Variants in SLC15A1 observed in about 807,000 individuals in gnomAD.
The protein encoded by SLC15A1 is Caco-2 oligopeptide transporter.
In SLC15A1, 83 loss-of-function variants were observed where a neutral mutation model predicts 92.9. The ratio of observed to expected loss-of-function variants is 0.89; its 90% CI spans 0.75 to 1.07. The LOEUF (loss-of-function observed/expected upper bound fraction) is 1.07. Ranked by LOEUF, SLC15A1 falls within the 50% of genes least tolerant of loss-of-function variation. The probability of loss-of-function intolerance (pLI) is 0.00; values close to 1 mark genes in which losing one functional copy is unlikely to be tolerated. For missense variants in SLC15A1, 857 were observed against 880.1 expected (o/e 0.97, Z 0.33); for synonymous variants, 322 against 318.2 (o/e 1.01, Z -0.13).
intron 18 of SLC15A1, among the ~76,000 whole-genome samples, chr13:98,693,087 GTTTTTTTTTTTTTTTTTT>G (rs55817470): frequency 1.7e-5 from 1 of 58,010 alleles, no homozygotes; most frequent in East Asian, 4.0e-4. Flanking sequence ...TATTGTCTAC[GTTTTTTTTTTTTTTTTTT>G]TTTTTTTTTG....
intron 1 of SLC15A1, among the ~76,000 whole-genome samples, chr13:98,733,147 C>G (rs778201591): frequency 5.9e-5 from 9 of 152,100 alleles, no homozygotes; most frequent in Non-Finnish European, 1.0e-4. Context: ...TCCCCGAGAG[C>G]CTTTCAAGGT....
In SLC15A1 at chr13:98,686,302, G is replaced by A; in HGVS notation, c.1828-5C>T. On this transcript the variant is annotated splice_region_variant and splice_polypyrimidine_tract_variant and intron_variant, in intron 21 of 22. Coordinates refer to ENST00000376503, the MANE Select transcript of SLC15A1 (RefSeq NM_005073.4). ...CGACTTCATGTTGGAAGGAGCCTGA[G>A]GAAGCAAAGCAAAGTGAGTCCTGCT... 2 of 1,601,704 alleles carry A rather than the reference G, an allele frequency of 1.2e-6. No homozygotes were observed. Among genetic ancestry groups the A allele is most frequent in the South Asian group, 2.2e-5 (2 of 88,974 alleles).
At chr13:98,698,646 A>AG (rs2088042539) in intron 18 of SLC15A1, among the ~76,000 whole-genome samples, 1 of 152,156 alleles carries the variant, frequency 6.6e-6, no homozygotes, top group African/African-American at 2.4e-5. Context: ...CATGTTGACC[A>AG]GGCTGGTCTT....
At chr13:98,689,851 C>G (rs1424761371) in intron 18 of SLC15A1, among the ~76,000 whole-genome samples, 14 of 152,106 alleles carry the variant, frequency 9.2e-5, no homozygotes. Context: ...GAATGGATAC[C>G]CAATAAGACC....
chr13:98,733,531 A>G (rs1743093572), intron 1 of SLC15A1, among the ~76,000 whole-genome samples: 1 of 152,208 alleles, frequency 6.6e-6, no homozygotes, highest in Non-Finnish European at 1.5e-5. Context: ...TCCTAAGCCA[A>G]GGGTAAAGGA....
intron 18 of SLC15A1, among the ~76,000 whole-genome samples, chr13:98,701,667 A>G (rs1488819767): frequency 8.7e-6 from 1 of 115,566 alleles, no homozygotes; most frequent in Non-Finnish European, 1.7e-5. Flanking sequence ...TACTCAGCTA[A>G]TTTTTTTTTT....
intron 1 of SLC15A1, among the ~76,000 whole-genome samples, chr13:98,739,869 G>A (rs540155642): frequency 6.6e-6 from 1 of 152,232 alleles, no homozygotes; most frequent in African/African-American, 2.4e-5. Context: ...AGACAACTTG[G>A]CAGATTCTTA....
chr13:98,700,552 A>G (rs1171542770), intron 18 of SLC15A1, among the ~76,000 whole-genome samples: 6 of 150,114 alleles, frequency 4.0e-5, no homozygotes, highest in Non-Finnish European at 8.9e-5. Context: ...GGTGAACTCT[A>G]TCAAGTTTTT....
intron 1 of SLC15A1, among the ~76,000 whole-genome samples, chr13:98,742,275 A>C (rs984081488): frequency 1.3e-5 from 2 of 152,198 alleles, no homozygotes; most frequent in African/African-American, 4.8e-5. Context: ...GCAATGAGCC[A>C]CCTCCTACCT....
At chr13:98,738,713 C>G (rs1265459900) in intron 1 of SLC15A1, among the ~76,000 whole-genome samples, 2 of 152,232 alleles carry the variant, frequency 1.3e-5, no homozygotes, top group Non-Finnish European at 2.9e-5. Context: ...CAGGCAGAAG[C>G]CTGCTGCAGG....
At chr13:98,737,157 T>G (rs1194801441) in intron 1 of SLC15A1, among the ~76,000 whole-genome samples, 1 of 152,234 alleles carries the variant, frequency 6.6e-6, no homozygotes, top group African/African-American at 2.4e-5. Flanking sequence ...GGAATACTAT[T>G]CAGCCATGAA....
intron 1 of SLC15A1, among the ~76,000 whole-genome samples, chr13:98,735,085 T>G (rs1232605143): frequency 6.6e-6 from 1 of 152,132 alleles, no homozygotes; most frequent in Non-Finnish European, 1.5e-5. Context: ...AAATCCTCAA[T>G]AAAATAAAAT....
chr13:98,695,812 TA>T (rs1260999224), intron 18 of SLC15A1, among the ~76,000 whole-genome samples: 2 of 152,194 alleles, frequency 1.3e-5, no homozygotes, highest in Non-Finnish European at 1.5e-5. Flanking sequence ...TTGCTTAAAA[TA>T]GTATATACTC....
chr13:98,741,987 A>C (rs1174846466), intron 1 of SLC15A1, among the ~76,000 whole-genome samples: 1 of 152,220 alleles, frequency 6.6e-6, no homozygotes, highest in African/African-American at 2.4e-5. Context: ...TGGGTTTATC[A>C]AGTGACTGGG....
At chr13:98,749,165 G>A (rs1404909596) in intron 1 of SLC15A1, among the ~76,000 whole-genome samples, 1 of 152,190 alleles carries the variant, frequency 6.6e-6, no homozygotes, top group Non-Finnish European at 1.5e-5. Context: ...TTGTTCTTCG[G>A]TTGACTCAAG....
Position 98,720,989 on chromosome 13 carries a change from T to C in SLC15A1, c.556+506A>G, listed in dbSNP as rs1291458131. On this transcript the variant is annotated intron_variant, in intron 7 of 22. Coordinates refer to ENST00000376503, the MANE Select transcript of SLC15A1 (RefSeq NM_005073.4). ...ATTGCTTGAACCCAGGAGGTGGAGG[T>C]TGCAGTGAGCCAAGATCACGCCACT... 3.4e-5 allele frequency: 13 copies of C among 379,608 alleles called. No individual in the cohort carries two copies. In the Admixed American group the frequency reaches 3.4e-4, roughly 10 times the overall value. 23.5% of individuals were successfully genotyped at this position (379,608 alleles called of 1,614,324 possible).
At chr13:98,697,615 CTTTTTTTTTTT>C (rs11347963) in intron 18 of SLC15A1, among the ~76,000 whole-genome samples, 2 of 125,056 alleles carry the variant, frequency 1.6e-5, no homozygotes, top group African/African-American at 6.0e-5. Context: ...CTGGCTGATG[CTTTTTTTTTTT>C]TTTTTTTTTT....
intron 1 of SLC15A1, among the ~76,000 whole-genome samples, chr13:98,737,451 C>A (rs916004313): frequency 6.6e-6 from 1 of 152,082 alleles, no homozygotes; most frequent in Non-Finnish European, 1.5e-5. Context: ...ATGTAACAAA[C>A]CTGCACATTG....
intron 21 of SLC15A1, among the ~76,000 whole-genome samples, chr13:98,687,242 T>G (rs1293403897): frequency 6.6e-6 from 1 of 152,200 alleles, no homozygotes; most frequent in African/African-American, 2.4e-5. Flanking sequence ...GTTTTATGAA[T>G]GGTTGGTTAC....
Sources: gnomAD v4.1 joint callset for allele counts (sites outside exome capture counted in the v4.1 genomes callset) on GRCh38, gnomAD v4.1.1 for gene constraint, MANE v1.5 for transcripts, NCBI Gene and HGNC (gene_info 2026-07-23, HGNC 2026-07-21) for gene names.